Variants in EPB41L4B observed in about 807,000 individuals in gnomAD.
EPB41L4B encodes band 4.1-like protein 4B.
In EPB41L4B, 30 loss-of-function variants were observed where a neutral mutation model predicts 112.5. That is an observed-to-expected ratio of 0.27 (90% CI 0.20 to 0.36). The LOEUF (loss-of-function observed/expected upper bound fraction) is 0.36. EPB41L4B is among the 10% of genes least tolerant of loss of function. The pLI, the probability that EPB41L4B is intolerant of heterozygous loss-of-function variation, is 1.00. For missense variants in EPB41L4B, 1,024 were observed against 1,133.3 expected, an observed-to-expected ratio of 0.90 and a Z score of 1.38; for synonymous variants, 408 against 439.7, an observed-to-expected ratio of 0.93 and a Z score of 0.90.
chr9:109,225,377 AAAAG>A (rs1564278090), intron 15 of EPB41L4B, among the ~76,000 whole-genome samples: 1 of 152,248 alleles, frequency 6.6e-6, no homozygotes, highest in East Asian at 1.9e-4. Context: ...GGCAATTTAC[AAAAG>A]AAAGAGGTTT....
intron 1 of EPB41L4B, among the ~76,000 whole-genome samples, chr9:109,313,437 G>A (rs1018040544): frequency 3.9e-5 from 6 of 152,186 alleles, no homozygotes; most frequent in Admixed American, 6.5e-5. Context: ...GTGGTGGGGG[G>A]GCACACCAGG....
intron 17 of EPB41L4B, among the ~76,000 whole-genome samples, chr9:109,210,714 A>G (rs1833135945): frequency 6.6e-6 from 1 of 152,194 alleles, no homozygotes; most frequent in African/African-American, 2.4e-5. Context: ...ATGAATTTGT[A>G]TAAAAGATAT....
intron 1 of EPB41L4B, among the ~76,000 whole-genome samples, chr9:109,293,484 G>A (rs1280106048): frequency 6.6e-6 from 1 of 151,338 alleles, no homozygotes. Context: ...CTGGGTTCAA[G>A]TGATTCCCCT....
chr9:109,313,967 C>T (rs1837525018), intron 1 of EPB41L4B, among the ~76,000 whole-genome samples: 1 of 152,210 alleles, frequency 6.6e-6, no homozygotes. Context: ...TTGTTCCAAC[C>T]TTTGTGTATT....
At chr9:109,305,738 C>T (rs1363485604) in intron 1 of EPB41L4B, among the ~76,000 whole-genome samples, 2 of 152,074 alleles carry the variant, frequency 1.3e-5, no homozygotes, top group African/African-American at 2.4e-5. Context: ...GCCTGGTCAA[C>T]ATGGTGAAAC....
chr9:109,252,317 C>A (rs1326270468), intron 12 of EPB41L4B, among the ~76,000 whole-genome samples: 1 of 152,210 alleles, frequency 6.6e-6, no homozygotes, highest in Non-Finnish European at 1.5e-5. Context: ...CTACACACAC[C>A]AGCATAATCC....
intron 1 of EPB41L4B, among the ~76,000 whole-genome samples, chr9:109,306,976 C>T (rs1230296978): frequency 1.3e-5 from 2 of 151,606 alleles, no homozygotes; most frequent in East Asian, 3.9e-4. Context: ...TTTTGTATTC[C>T]TCCCACAGGG....
chr9:109,309,280 G>A (rs1291427330), intron 1 of EPB41L4B, among the ~76,000 whole-genome samples: 2 of 152,162 alleles, frequency 1.3e-5, no homozygotes, highest in South Asian at 4.1e-4. Context: ...CAGAGCTGAT[G>A]TGAATACTAT....
chr9:109,297,715 C>T lies in EPB41L4B; in HGVS notation c.307-17794G>A, dbSNP rs888941985. On this transcript the variant is annotated intron_variant, in intron 1 of 25. Coordinates refer to ENST00000374566, the MANE Select transcript of EPB41L4B (RefSeq NM_019114.5). Reference sequence around the variant, plus strand: ...TGCACGGTACTCCCCTGGACTGAAACTGATGGTGAGAGCTGTCCCTAATAG... The same window carrying T: ...TGCACGGTACTCCCCTGGACTGAAATTGATGGTGAGAGCTGTCCCTAATAG... Among the ~76,000 whole-genome samples, 6 of 152,346 alleles carry T rather than the reference C, an allele frequency of 3.9e-5. No individual in the cohort carries two copies. The East Asian group carries it at 7.7e-4, about 20-fold the overall frequency.
At chr9:109,246,205 C>T (rs373760713) in intron 14 of EPB41L4B, among the ~76,000 whole-genome samples, 13 of 152,030 alleles carry the variant, frequency 8.6e-5, no homozygotes, top group African/African-American at 2.9e-4. Flanking sequence ...AGTTTGAGAC[C>T]AGCGTGGCCA....
At chr9:109,254,927 G>T (rs934230811) in intron 11 of EPB41L4B, among the ~76,000 whole-genome samples, 1 of 152,332 alleles carries the variant, frequency 6.6e-6, no homozygotes, top group African/African-American at 2.4e-5. Flanking sequence ...GTAGCAGTTA[G>T]AAATTTAACA....
chr9:109,291,538 C>T (rs1836531760), intron 1 of EPB41L4B, among the ~76,000 whole-genome samples: 2 of 152,160 alleles, frequency 1.3e-5, no homozygotes, highest in South Asian at 2.1e-4. Context: ...ACAGTCTAGG[C>T]GGCTCCTGGA....
intron 15 of EPB41L4B, among the ~76,000 whole-genome samples, chr9:109,228,209 C>T (rs2118894658): frequency 6.6e-6 from 1 of 152,296 alleles, no homozygotes; most frequent in East Asian, 1.9e-4. Context: ...TTCTTCCACT[C>T]TTAGCTTACT....
At chr9:109,213,902 G>A (rs993277763) in intron 16 of EPB41L4B, 84 bp from the exon 17 acceptor site, 18 of 1,223,370 alleles carry the variant, frequency 1.5e-5, no homozygotes, top group Middle Eastern at 4.1e-4. Context: ...GCCAGCGCCC[G>A]ATTCCCAGCA....
chr9:109,311,893 C>A (rs1002542291), intron 1 of EPB41L4B, among the ~76,000 whole-genome samples: 3 of 152,146 alleles, frequency 2.0e-5, no homozygotes, highest in African/African-American at 7.2e-5. Flanking sequence ...GGGATGATAA[C>A]GTGCACCTTC....
chr9:109,205,726 G>A (rs143360882), intron 18 of EPB41L4B, among the ~76,000 whole-genome samples: 1 of 152,312 alleles, frequency 6.6e-6, no homozygotes, highest in East Asian at 1.9e-4. Context: ...CTCTGCAGTG[G>A]TGGAGCAAGG....
At chr9:109,307,748 C>T (rs910976101) in intron 1 of EPB41L4B, among the ~76,000 whole-genome samples, 3 of 152,288 alleles carry the variant, frequency 2.0e-5, no homozygotes, top group African/African-American at 7.2e-5. Context: ...ATGATGCCCA[C>T]ATCCATCACA....
chr9:109,306,735 C>G (rs1281601387), intron 1 of EPB41L4B, among the ~76,000 whole-genome samples: 6 of 152,180 alleles, frequency 3.9e-5, no homozygotes, highest in Non-Finnish European at 7.3e-5. Context: ...GAAAAACTCC[C>G]CAGAAGATTC....
intron 24 of EPB41L4B, among the ~76,000 whole-genome samples, chr9:109,181,641 A>G (rs890373604): frequency 6.6e-6 from 1 of 152,006 alleles, no homozygotes; most frequent in Admixed American, 6.5e-5. Flanking sequence ...GTTCGAGACC[A>G]GCCTAGGCAA....
Sources: allele counts gnomAD v4.1 joint callset (sites outside exome capture counted in the v4.1 genomes callset), GRCh38; gene constraint gnomAD v4.1.1; transcripts MANE v1.5; gene names NCBI Gene and HGNC (gene_info 2026-07-23, HGNC 2026-07-21).